Variants in ARMC6 observed in about 807,000 individuals in gnomAD.
The protein encoded by ARMC6 is armadillo repeat-containing protein 6.
A neutral mutation model predicts 49.2 loss-of-function variants in ARMC6; 43 were observed. The ratio of observed to expected loss-of-function variants is 0.87; its 90% CI spans 0.69 to 1.13. The LOEUF (loss-of-function observed/expected upper bound fraction) is 1.13. ARMC6 is among the 50% of genes most tolerant of loss of function. ARMC6 has a pLI of 0.00. For missense variants in ARMC6, 627 were observed against 682.0 expected (o/e 0.92, Z 0.90); for synonymous variants, 262 against 289.6 (o/e 0.90, Z 0.97).
intron 2 of ARMC6, among the ~76,000 whole-genome samples, chr19:19,035,195 A>G (rs8101529): frequency 0.69 from 105,093 of 151,936 alleles, 36,994 homozygotes; most frequent in East Asian, 0.89. Flanking sequence ...CAGTAGAGAC[A>G]GGATTTTGCT....
In ARMC6 at chr19:19,054,161, A is replaced by G. The variant is rs757756285; in HGVS notation, c.863A>G (p.Asp288Gly). The G allele has an allele frequency of 6.3e-7, 1 of 1,577,996 alleles. No individual in the cohort carries two copies. The highest frequency in any genetic ancestry group is 8.6e-7 in the Non-Finnish European group (1 of 1,161,476). ...CCCTTTCTCCCTGCAGCGTTCCTGG[A>G]TAACCCTGGCATCCTGAGCGAGCTC... ...VLIEATKAFL[D>G]NPGILSELCG... Residue 288 changes from aspartate to glycine, a missense_variant, in exon 6 of 9, where the codon GAT (aspartate) becomes GGT (glycine). Physicochemically the swap from Asp to Gly is moderately conservative, Grantham distance 94. Coordinates refer to ENST00000535612, the MANE Select transcript of ARMC6 (RefSeq NM_001199196.2).
At chr19:19,040,620 A>G (rs933054926) in intron 2 of ARMC6, 22 of 272,524 alleles carry the variant, frequency 8.1e-5, no homozygotes, top group South Asian at 2.2e-4. Context: ...CCTGAGCTGT[A>G]TTTGTTTTAG....
chr19:19,057,246 G>A (rs528899978), intron 8 of ARMC6, among the ~76,000 whole-genome samples, 170 bp from the exon 9 acceptor site: 56 of 152,368 alleles, frequency 3.7e-4, no homozygotes, highest in Admixed American at 1.4e-3. Context: ...TTGTGGGGCT[G>A]CCAAGAGGGT....
At chr19:19,052,349 A>G (rs992070569) in intron 5 of ARMC6, among the ~76,000 whole-genome samples, 154 bp downstream of exon 5, 1 of 152,176 alleles carries the variant, frequency 6.6e-6, no homozygotes, top group African/African-American at 2.4e-5. Flanking sequence ...AGCCCTCGTG[A>G]AGAGTCTCCC....
In ARMC6 at chr19:19,055,930, T is replaced by TGGGCA. The variant is rs781508584; in HGVS notation, c.1293+11_1293+15dup. 130 of 1,606,560 alleles carry TGGGCA rather than the reference T, an allele frequency of 8.1e-5. No homozygotes were observed. The highest frequency in any genetic ancestry group is 1.1e-4 in the Non-Finnish European group (128 of 1,178,354). ...CACCCGCAGAAGGCCGGCGTGCAGG[T>TGGGCA]GGGCAGGGCAGGGGATGGGGGCAGG... On this transcript the variant is annotated splice_region_variant and intron_variant, in intron 8 of 8. Transcript: ENST00000535612. This position sits in a 1 kb window ranked among gnomAD's most constrained non-coding sequence, Gnocchi z 5.7.
At chr19:19,051,494 C>T in intron 4 of ARMC6, 128 bp from the exon 5 acceptor site, 5 of 854,270 alleles carry the variant, frequency 5.9e-6, no homozygotes, top group African/African-American at 1.7e-5. Flanking sequence ...CTGTAACTTG[C>T]CCCACATCAC....
rs1055031814 is a variant in ARMC6, at chr19:19,051,556, A to G, written c.280-66A>G. The G allele has an allele frequency of 1.1e-5, 16 of 1,429,564 alleles. No individual in the cohort carries two copies. The African/African-American group carries it at 1.6e-4, about 14-fold the overall frequency. The allele number at this position is 1,429,564 out of a possible 1,614,324, so 88.6% of individuals were successfully genotyped here. A position where few individuals can be genotyped will look rare whatever the true frequency, so the allele number is the denominator to read the frequency against. On this transcript the variant is annotated intron_variant, in intron 4 of 8. Coordinates refer to ENST00000535612, the MANE Select transcript of ARMC6 (RefSeq NM_001199196.2). ...GAGGGAACCTTGCAGGGGTCCAGAC[A>G]CTGTTGCTGTGGCCATGGGTTCCTC...
chr19:19,043,890 C>T (rs935281895), intron 3 of ARMC6, 102 bp from the exon 4 acceptor site: 2 of 1,065,038 alleles, frequency 1.9e-6, no homozygotes, highest in African/African-American at 3.1e-5. Flanking sequence ...TGGGGTGGTC[C>T]CAGCAGAAGG....
At chr19:19,040,831 T>G (rs767174622) in intron 2 of ARMC6, 1 of 404,822 alleles carries the variant, frequency 2.5e-6, no homozygotes, top group South Asian at 1.8e-5. Context: ...GATTTTGATA[T>G]GTACTGGATT....
intron 2 of ARMC6, among the ~76,000 whole-genome samples, chr19:19,035,258 A>AGACTCCCAAAGC (rs1468654960): frequency 5.9e-5 from 9 of 152,150 alleles, no homozygotes. Flanking sequence ...TACCCGCCTC[A>AGACTCCCAAAGC]GACTCCCAAA....
chr19:19,056,737 G>C (rs10422813), intron 8 of ARMC6, among the ~76,000 whole-genome samples: 3,574 of 152,214 alleles, frequency 0.023, 135 homozygotes, highest in African/African-American at 0.082. Flanking sequence ...AGACTCCTCC[G>C]TGCAGCCCCC....
chr19:19,054,242 A>G lies in ARMC6; in HGVS notation c.944A>G (p.Asp315Gly). 1 of 1,611,738 alleles carries G rather than the reference A, an allele frequency of 6.2e-7. No homozygotes were observed. Among genetic ancestry groups the G allele is most frequent in the Non-Finnish European group, 8.5e-7 (1 of 1,179,040 alleles). ...IRNEFCQEVV[D>G]LGGLSILVSL... is the part of the protein sequence containing the mutation. ...AACGAGTTCTGCCAGGAGGTCGTCG[A>G]CCTCGGGGGCCTGAGCATTCTGGTG... The change falls in exon 6 of 9, where the codon GAC (aspartate) becomes GGC (glycine). Residue 315 changes from aspartate (D) to glycine (G), a missense_variant. Physicochemically the swap from Asp to Gly is moderately conservative, Grantham distance 94. Transcript: ENST00000535612.
intron 5 of ARMC6, among the ~76,000 whole-genome samples, chr19:19,053,850 T>C (rs1183846854): frequency 6.6e-6 from 1 of 152,092 alleles, no homozygotes; most frequent in Admixed American, 6.5e-5. Flanking sequence ...ATGTCTTTTT[T>C]TTTTTTTGCA....
rs908258950 is a variant in ARMC6, at chr19:19,051,634, C to T, written c.292C>T (p.Leu98Phe). The change falls in exon 5 of 9, where the codon CTC becomes TTC. Residue 98 changes from leucine (L) to phenylalanine (F), a missense_variant. By Grantham distance (22) the Leu-to-Phe change is conservative. Transcript: ENST00000535612. ...CCATGTCTCCCAGATGCTCAGTGAC[C>T]TCCAGGAGTCTGTGGCCAGCTCTCG... The part of the protein sequence containing the change: ...THDILQMLSD[L>F]QESVASSRPQ... 3.1e-6 allele frequency: 5 copies of T among 1,601,794 alleles called. No homozygotes were observed. Among genetic ancestry groups the T allele is most frequent in the Non-Finnish European group, 4.3e-6 (5 of 1,173,598 alleles).
Position 19,055,362 on chromosome 19 carries a change from T to G in ARMC6, c.1121T>G (p.Val374Gly). 1 of 1,612,818 alleles carries G rather than the reference T, an allele frequency of 6.2e-7. No homozygotes were observed. Among genetic ancestry groups the G allele is most frequent in the Non-Finnish European group, 8.5e-7 (1 of 1,179,400 alleles). ...CGTGCTGGTGGGACGGAGTCCATCG[T>G]GGCTGCTATGACCCAGCATCTGACC... ...IVRAGGTESI[V>G]AAMTQHLTSP... is the part of the protein sequence containing the mutation. The change falls in exon 7 of 9, where the codon GTG becomes GGG. Residue 374 changes from valine (V) to glycine (G), a missense_variant. Transcript: ENST00000535612. This position sits in a 1 kb window ranked among gnomAD's most constrained non-coding sequence, Gnocchi z 5.7.
rs759888804 is a variant in ARMC6 at position 19,051,663 on chromosome 19, C to T, written c.321C>T (p.Pro107=). ...DLQESVASSR[P]QEVSAYLTRF... ...AGGAGTCTGTGGCCAGCTCTCGCCC[C>T]CAGGAGGTGTCAGCATACCTCACCC... The change falls in exon 5 of 9, where the codon CCC becomes CCT. Residue 107 remains proline (P), a synonymous_variant. Coordinates refer to ENST00000535612, the MANE Select transcript of ARMC6 (RefSeq NM_001199196.2). 6.2e-7 allele frequency: 1 copy of T among 1,612,340 alleles called. No individual in the cohort carries two copies. Among genetic ancestry groups the T allele is most frequent in the Admixed American group, 1.7e-5 (1 of 59,844 alleles).
Position 19,055,082 on chromosome 19 carries a change from A to G in ARMC6, c.1024-183A>G, listed in dbSNP as rs1173715752. 6.6e-6 allele frequency among the ~76,000 whole-genome samples: 1 copy of G among 152,122 alleles called. No homozygotes were observed. Among genetic ancestry groups the G allele is most frequent in the East Asian group, 1.9e-4 (1 of 5,184 alleles). On this transcript the variant is annotated intron_variant, in intron 6 of 8. Transcript: ENST00000535612. This position sits in a 1 kb window ranked among gnomAD's most constrained non-coding sequence, Gnocchi z 5.7. ...CGGGGTAGGGGATCAAGTCACCTGG[A>G]TGGTACCGTTTGGACACAGGCAGCC...
At chr19:19,036,947 A>G (rs562974069) in intron 2 of ARMC6, among the ~76,000 whole-genome samples, 5 of 152,010 alleles carry the variant, frequency 3.3e-5, no homozygotes, top group Non-Finnish European at 5.9e-5. Flanking sequence ...GCATGATGGG[A>G]GGCCGAGGCA....
At position 19,057,413 on chromosome 19, in the gene ARMC6, C is replaced by G. The variant is rs748088904; in HGVS notation, c.1294-3C>G. 1 of 1,611,806 alleles carries G rather than the reference C, an allele frequency of 6.2e-7. No homozygotes were observed. The highest frequency in any genetic ancestry group is 1.3e-5 in the African/African-American group (1 of 74,888). On this transcript the variant is annotated splice_region_variant and splice_polypyrimidine_tract_variant and intron_variant, in intron 8 of 8. Transcript: ENST00000535612. ...GGCAGCTCACAGCTGCTCTCTCCTA[C>G]AGAAACAGGCTTGCATGCTGATCCG...
Sources: gnomAD v4.1 joint callset for allele counts (sites outside exome capture counted in the v4.1 genomes callset) on GRCh38, gnomAD v4.1.1 for gene constraint, Gnocchi (gnomAD v3.1) non-coding constraint, MANE v1.5 for transcripts, NCBI Gene and HGNC (gene_info 2026-07-23, HGNC 2026-07-21) for gene names.